The following SBF2 variants were observed in gnomAD, a reference collection of about 807,000 sequenced individuals.
SBF2 encodes the protein myotubularin-related protein 13.
In SBF2, 112 loss-of-function variants were observed where a neutral mutation model predicts 225.2. The ratio of observed to expected loss-of-function variants is 0.50; its 90% CI spans 0.43 to 0.58. The LOEUF is 0.58. SBF2 is among the 20% of genes least tolerant of loss of function. The probability of loss-of-function intolerance (pLI) is 0.00; values close to 1 mark genes in which losing one functional copy is unlikely to be tolerated. For synonymous variants in SBF2, 763 were observed against 773.3 expected, an observed-to-expected ratio of 0.99 and a Z score of 0.22; for missense variants, 1,996 against 2,206.2, an observed-to-expected ratio of 0.90 and a Z score of 1.91.
intron 2 of SBF2, among the ~76,000 whole-genome samples, chr11:10,051,769 G>T (rs1950074078): frequency 6.6e-6 from 1 of 151,950 alleles, no homozygotes; most frequent in Non-Finnish European, 1.5e-5. Flanking sequence ...AGGATGAAAA[G>T]AAATGACCCT....
intron 1 of SBF2, among the ~76,000 whole-genome samples, chr11:10,246,446 G>A (rs1207338503): frequency 6.6e-6 from 1 of 152,114 alleles, no homozygotes; most frequent in East Asian, 1.9e-4. Context: ...ACCATGCCCA[G>A]CTAATTTTGG....
At chr11:9,810,960 C>T (rs946773894) in intron 30 of SBF2, 5 of 152,200 alleles carry the variant, frequency 3.3e-5, no homozygotes, top group Non-Finnish European at 5.9e-5. Flanking sequence ...TGGAGTCAAC[C>T]TATATGCCCA....
At chr11:9,800,725 G>GT (rs1000668823) in intron 32 of SBF2, among the ~76,000 whole-genome samples, 1 of 151,646 alleles carries the variant, frequency 6.6e-6, no homozygotes, top group African/African-American at 2.4e-5. Context: ...TATTTATTAT[G>GT]TTTTTTAGAG....
At chr11:10,172,271 G>C (rs991630220) in intron 2 of SBF2, among the ~76,000 whole-genome samples, 3 of 152,004 alleles carry the variant, frequency 2.0e-5, no homozygotes, top group Admixed American at 6.6e-5. Context: ...GGCACTTATA[G>C]CTACAAACTT....
At chr11:10,095,629 T>A (rs1347755649) in intron 2 of SBF2, among the ~76,000 whole-genome samples, 1 of 152,130 alleles carries the variant, frequency 6.6e-6, no homozygotes, top group Non-Finnish European at 1.5e-5. Context: ...ATTTGATGAG[T>A]CATGTTCCAA....
chr11:10,212,045 C>T (rs763422949), intron 1 of SBF2, among the ~76,000 whole-genome samples: 28 of 152,150 alleles, frequency 1.8e-4, no homozygotes, highest in Non-Finnish European at 3.5e-4. Context: ...TTTAATATGG[C>T]ACTAATCTCT....
rs185541251 is a variant in SBF2 at position 10,272,047 on chromosome 11, G to A, written c.55+21968C>T. ...AGGCATTCCTCAGCAAACTTCTCTC[G>A]AGTCTTCAGAGTAAAGCACAGGATC... is the stretch of plus-strand genomic sequence containing the variant. On this transcript the variant is annotated intron_variant, in intron 1 of 39. Coordinates refer to ENST00000256190, the MANE Select transcript of SBF2 (RefSeq NM_030962.4). 7 of 1,131,904 alleles carry A rather than the reference G, an allele frequency of 6.2e-6. 2 individuals are homozygous for A. Among genetic ancestry groups the A allele is most frequent in the East Asian group, 5.2e-5 (2 of 38,498 alleles). 70.1% of individuals were successfully genotyped at this position (1,131,904 alleles called of 1,614,324 possible).
intron 2 of SBF2, among the ~76,000 whole-genome samples, chr11:10,105,164 A>G (rs1222950055): frequency 6.7e-6 from 1 of 149,098 alleles, no homozygotes; most frequent in East Asian, 2.0e-4. Context: ...TGGGCTACAG[A>G]TAGATTAGCG....
intron 22 of SBF2, 148 bp from the exon 23 acceptor site, chr11:9,847,231 C>G: frequency 1.1e-6 from 1 of 936,222 alleles, no homozygotes; most frequent in Non-Finnish European, 1.7e-6. Flanking sequence ...GCCCTTCACT[C>G]CAGAAAAGGA....
intron 1 of SBF2, among the ~76,000 whole-genome samples, chr11:10,301,237 T>C (rs906644786): frequency 6.6e-5 from 10 of 152,224 alleles, no homozygotes; most frequent in African/African-American, 2.4e-4. Flanking sequence ...GGTTTTAAAC[T>C]TGGTCAACCT....
chr11:10,296,470 C>T (rs954574205), upstream of SBF2, among the ~76,000 whole-genome samples: 2 of 152,102 alleles, frequency 1.3e-5, no homozygotes, highest in Non-Finnish European at 2.9e-5. Flanking sequence ...TCACTATCAC[C>T]ACAACAGCAG....
rs1052889387 is a variant in SBF2 at position 9,917,741 on chromosome 11, C to T, written c.1861-21730G>A. The stretch of plus-strand genomic sequence containing the variant: ...CGTGCCTTCCTGAGGTTAGCGCGAC[C>T]ATTTTTGTAATATAAAGCACCACTG... On this transcript the variant is annotated intron_variant, in intron 16 of 39. Coordinates refer to ENST00000256190, the MANE Select transcript of SBF2 (RefSeq NM_030962.4). Among the ~76,000 whole-genome samples, 3 of 151,276 alleles carry T rather than the reference C, an allele frequency of 2.0e-5. No individual in the cohort carries two copies. In the East Asian group the frequency reaches 5.8e-4, roughly 29 times the overall value.
At chr11:9,842,566 T>C in intron 25 of SBF2, 59 bp downstream of exon 25, 3 of 1,561,442 alleles carry the variant, frequency 1.9e-6, no homozygotes, top group Middle Eastern at 1.7e-4. Flanking sequence ...TACATCTGAG[T>C]CTCTTATTCA....
intron 1 of SBF2, among the ~76,000 whole-genome samples, chr11:10,203,164 G>C (rs1389843464): frequency 6.6e-6 from 1 of 152,138 alleles, no homozygotes; most frequent in Non-Finnish European, 1.5e-5. Context: ...AAAGAGGTTA[G>C]GGTTCACAGA....
chr11:10,199,613 G>T (rs1345781468), intron 1 of SBF2, among the ~76,000 whole-genome samples: 1 of 152,168 alleles, frequency 6.6e-6, no homozygotes, highest in East Asian at 1.9e-4. Context: ...CTATAAAAAG[G>T]AGATTTAGTC....
At chr11:9,878,755 G>A (rs1357626722) in intron 17 of SBF2, among the ~76,000 whole-genome samples, 1 of 152,088 alleles carries the variant, frequency 6.6e-6, no homozygotes, top group African/African-American at 2.4e-5. Flanking sequence ...TTTATTAGCT[G>A]GAAATGTCAC....
Position 9,781,599 on chromosome 11 carries a change from C to T in SBF2, c.5359G>A (p.Gly1787Ser), listed in dbSNP as rs768197328. 4 of 1,614,220 alleles carry T rather than the reference C, an allele frequency of 2.5e-6. No individual in the cohort carries two copies. The South Asian group carries it at 4.4e-5, about 18-fold the overall frequency. ...YDSGEDTSCK[G>S]HIDLAEVEMV... ...TCTACTTCAGCCAGATCAATGTGGC[C>T]TTTACAGCTTGTGTCCTCACCTGAG... Residue 1787 changes from glycine (G) to serine (S), a missense_variant, in exon 39 of 40, where the codon GGC (glycine) becomes AGC (serine). By Grantham distance (56) the Gly-to-Ser change is moderately conservative (BLOSUM62 0). Coordinates refer to ENST00000256190, the MANE Select transcript of SBF2 (RefSeq NM_030962.4).
At chr11:9,853,391 T>C in intron 20 of SBF2, 149 bp downstream of exon 20, 2 of 711,010 alleles carry the variant, frequency 2.8e-6, no homozygotes, top group East Asian at 2.7e-5. Context: ...ATATGTATTT[T>C]ACAACAATTT....
intron 30 of SBF2, chr11:9,809,393 ATGATT>A (rs1854042751): frequency 5.6e-6 from 1 of 178,364 alleles, no homozygotes; most frequent in Non-Finnish European, 1.2e-5. Flanking sequence ...ATTACCTTAC[ATGATT>A]CCCCCAAAAG....
Sources: allele counts gnomAD v4.1 joint callset (sites outside exome capture counted in the v4.1 genomes callset), GRCh38; gene constraint gnomAD v4.1.1; transcripts MANE v1.5; gene names NCBI Gene and HGNC (gene_info 2026-07-23, HGNC 2026-07-21).